Variants in FOXJ3 observed in about 807,000 individuals in gnomAD.
The protein encoded by FOXJ3 is forkhead box J3, also known as forkhead box protein J3.
In FOXJ3, 22 loss-of-function variants were observed where a neutral mutation model predicts 76.1. That is an observed-to-expected ratio of 0.29 (90% confidence interval 0.21 to 0.41). The LOEUF (loss-of-function observed/expected upper bound fraction) is 0.41, where lower values mean the gene tolerates loss of function less well. Ranked by LOEUF, FOXJ3 falls within the 10% of genes least tolerant of loss-of-function variation. The probability of loss-of-function intolerance (pLI) is 1.00; values close to 1 mark genes in which losing one functional copy is unlikely to be tolerated. For synonymous variants in FOXJ3, 269 were observed against 261.2 expected (o/e 1.03, Z -0.29); for missense variants, 613 against 762.1 (o/e 0.80, Z 2.30).
chr1:42,311,590 A>AAT (rs1159326410), intron 1 of FOXJ3, among the ~76,000 whole-genome samples: 1 of 152,004 alleles, frequency 6.6e-6, no homozygotes, highest in Non-Finnish European at 1.5e-5. Context: ...ATTGGTTTTA[A>AAT]ATATTGGACT....
At chr1:42,321,062 A>G (rs1324251980) in intron 1 of FOXJ3, among the ~76,000 whole-genome samples, 1 of 152,210 alleles carries the variant, frequency 6.6e-6, no homozygotes, top group African/African-American at 2.4e-5. Flanking sequence ...CTCCGCTGCC[A>G]GAGATGTTTA....
intron 4 of FOXJ3, among the ~76,000 whole-genome samples, chr1:42,235,155 C>T (rs546027494): frequency 2.6e-5 from 4 of 152,336 alleles, no homozygotes; most frequent in African/African-American, 9.6e-5. Context: ...TCTCAGACTG[C>T]TGTGCTAGCA....
At chr1:42,321,450 A>C (rs893024635) in intron 1 of FOXJ3, among the ~76,000 whole-genome samples, 15 of 152,076 alleles carry the variant, frequency 9.9e-5, no homozygotes, top group Admixed American at 7.9e-4. Flanking sequence ...TTCTAAGAAG[A>C]CTTCTGAGGT....
intron 9 of FOXJ3, among the ~76,000 whole-genome samples, chr1:42,190,460 G>A (rs1219719147): frequency 2.0e-5 from 3 of 152,188 alleles, no homozygotes; most frequent in Non-Finnish European, 4.4e-5. Context: ...TTTGTTAGGT[G>A]GGAGGGGATT....
Position 42,256,838 on chromosome 1 carries a change from T to C in FOXJ3, c.444+8277A>G, listed in dbSNP as rs74657123. Reference sequence around the variant, plus strand: ...CCTGAAGTGTTTGTCAACAAATAAATGTATAAACAAATTGTCATAGATTCA... The same window carrying C: ...CCTGAAGTGTTTGTCAACAAATAAACGTATAAACAAATTGTCATAGATTCA... On this transcript the variant is annotated intron_variant, in intron 4 of 12. Coordinates refer to ENST00000361346, the MANE Select transcript of FOXJ3 (RefSeq NM_014947.5). Among the ~76,000 whole-genome samples, 496 of 152,308 alleles carry C rather than the reference T, an allele frequency of 3.3e-3. 8 individuals carry two copies. The East Asian group carries it at 0.042, about 13-fold the overall frequency.
At chr1:42,273,070 A>T (rs530021406) in intron 3 of FOXJ3, among the ~76,000 whole-genome samples, 3 of 152,294 alleles carry the variant, frequency 2.0e-5, no homozygotes, top group South Asian at 2.1e-4. Flanking sequence ...CATACTCCCC[A>T]TAAACTCATT....
chr1:42,258,979 G>A (rs1376143390), intron 4 of FOXJ3, among the ~76,000 whole-genome samples: 1 of 152,080 alleles, frequency 6.6e-6, no homozygotes, highest in Non-Finnish European at 1.5e-5. Flanking sequence ...GTAACTTGAT[G>A]GTCAAATGAT....
intron 4 of FOXJ3, among the ~76,000 whole-genome samples, chr1:42,242,209 A>C (rs186874406): frequency 5.3e-4 from 80 of 152,324 alleles, no homozygotes; most frequent in Middle Eastern, 6.8e-3. Flanking sequence ...AATGTGAAAA[A>C]AAAAATACAA....
At chr1:42,201,017 T>C (rs1055404970) in intron 6 of FOXJ3, among the ~76,000 whole-genome samples, 2 of 152,218 alleles carry the variant, frequency 1.3e-5, no homozygotes, top group Non-Finnish European at 2.9e-5. Flanking sequence ...GTAGAGTTCA[T>C]CTTTCATTTA....
At chr1:42,328,417 G>C (rs928496211) in intron 1 of FOXJ3, among the ~76,000 whole-genome samples, 1 of 152,176 alleles carries the variant, frequency 6.6e-6, no homozygotes, top group Non-Finnish European at 1.5e-5. Flanking sequence ...CTCTAAGTTT[G>C]AGTCCCACTC....
chr1:42,182,050 G>A (rs1445181039), intron 11 of FOXJ3, 26 bp from the exon 12 acceptor site: 2 of 1,314,496 alleles, frequency 1.5e-6, no homozygotes, highest in Admixed American at 1.9e-5. Flanking sequence ...GCAGAAAGAG[G>A]GAAAACATGT....
intron 1 of FOXJ3, among the ~76,000 whole-genome samples, chr1:42,318,050 T>C (rs1020928059): frequency 2.6e-5 from 4 of 152,028 alleles, no homozygotes; most frequent in Admixed American, 6.6e-5. Flanking sequence ...TCTTCAAAAA[T>C]TGGGGGGAAA....
At chr1:42,271,301 C>T (rs1405049953) in intron 3 of FOXJ3, among the ~76,000 whole-genome samples, 1 of 151,468 alleles carries the variant, frequency 6.6e-6, no homozygotes, top group Non-Finnish European at 1.5e-5. Context: ...TTTTTCATCC[C>T]TTTTCATTTT....
chr1:42,234,755 GGA>G (rs1460040305), intron 4 of FOXJ3, among the ~76,000 whole-genome samples: 3 of 152,142 alleles, frequency 2.0e-5, no homozygotes, highest in Non-Finnish European at 4.4e-5. Flanking sequence ...CCGTTCCTCT[GGA>G]AGTTTTGTCT....
chr1:42,297,872 A>G (rs1266682407), intron 2 of FOXJ3, among the ~76,000 whole-genome samples: 2 of 152,142 alleles, frequency 1.3e-5, no homozygotes, highest in Non-Finnish European at 2.9e-5. Context: ...ATTCTTTCCT[A>G]AATACCAGCT....
At chr1:42,249,266 G>A (rs985599008) in intron 4 of FOXJ3, among the ~76,000 whole-genome samples, 3 of 152,124 alleles carry the variant, frequency 2.0e-5, no homozygotes, top group Admixed American at 6.5e-5. Flanking sequence ...AGAAATAGAC[G>A]TAAATGAGTA....
intron 2 of FOXJ3, among the ~76,000 whole-genome samples, chr1:42,305,567 C>T (rs78965241): frequency 0.04 from 6,050 of 152,176 alleles, 152 homozygotes; most frequent in South Asian, 0.093. Flanking sequence ...TCGTTTTCAA[C>T]ATGGATGGAA....
intron 5 of FOXJ3, among the ~76,000 whole-genome samples, chr1:42,224,473 T>C (rs1164688302): frequency 6.6e-6 from 1 of 151,988 alleles, no homozygotes; most frequent in African/African-American, 2.4e-5. Context: ...GCCAACATGA[T>C]GAAACCCCAT....
intron 2 of FOXJ3, among the ~76,000 whole-genome samples, chr1:42,296,678 G>A (rs1570185781): frequency 2.0e-5 from 3 of 152,210 alleles, no homozygotes. Flanking sequence ...GCATATTTTT[G>A]TACCACTATC....
Sources: gnomAD v4.1 joint callset for allele counts (sites outside exome capture counted in the v4.1 genomes callset) on GRCh38, gnomAD v4.1.1 for gene constraint, MANE v1.5 for transcripts, NCBI Gene and HGNC (gene_info 2026-07-23, HGNC 2026-07-21) for gene names.